LRRC4C: variants seen among roughly 807,000 people sequenced by gnomAD.
LRRC4C encodes leucine-rich repeat-containing protein 4C.
In LRRC4C, 5 loss-of-function variants were observed where a neutral mutation model predicts 33.6. The observed-to-expected ratio is 0.15, with a 90% CI of 0.08 to 0.31. The LOEUF is 0.31. LRRC4C is among the 10% of genes least tolerant of loss of function. The pLI is 1.00. For synonymous variants in LRRC4C, 329 were observed against 302.0 expected, an observed-to-expected ratio of 1.09 and a Z score of -0.93; for missense variants, 560 against 796.7, an observed-to-expected ratio of 0.70 and a Z score of 3.58.
chr11:40,791,229 C>T (rs528026859), intron 2 of LRRC4C, among the ~76,000 whole-genome samples: 1 of 152,034 alleles, frequency 6.6e-6, no homozygotes, highest in Non-Finnish European at 1.5e-5. Flanking sequence ...AATCATGGGG[C>T]CTATGAAAGC....
At chr11:41,411,108 T>C (rs560455032) in intron 1 of LRRC4C, among the ~76,000 whole-genome samples, 255 of 149,960 alleles carry the variant, frequency 1.7e-3, no homozygotes, top group African/African-American at 6.0e-3. Context: ...TTTATGCACT[T>C]GCTTTTAGAT....
At chr11:41,410,243 G>T (rs1180406203) in intron 1 of LRRC4C, among the ~76,000 whole-genome samples, 1 of 152,116 alleles carries the variant, frequency 6.6e-6, no homozygotes, top group Non-Finnish European at 1.5e-5. Flanking sequence ...TTCTTGTTCA[G>T]ATCACAGGGT....
intron 1 of LRRC4C, among the ~76,000 whole-genome samples, chr11:41,246,955 T>A (rs1948474576): frequency 6.6e-6 from 1 of 152,156 alleles, no homozygotes; most frequent in South Asian, 2.1e-4. Flanking sequence ...AGTAAATTCA[T>A]CTCTGAAAAT....
chr11:41,083,694 G>A (rs1463608085), intron 1 of LRRC4C, among the ~76,000 whole-genome samples: 1 of 152,134 alleles, frequency 6.6e-6, no homozygotes, highest in Admixed American at 6.5e-5. Flanking sequence ...ATAAGATGCG[G>A]AATAAAAACA....
At chr11:41,080,508 T>C (rs944960748) in intron 1 of LRRC4C, among the ~76,000 whole-genome samples, 2 of 152,004 alleles carry the variant, frequency 1.3e-5, no homozygotes, top group African/African-American at 4.8e-5. Flanking sequence ...TGTGCCACTA[T>C]GCCCGGCAAA....
At chr11:41,396,081 T>C (rs1365801543) in intron 1 of LRRC4C, among the ~76,000 whole-genome samples, 1 of 151,992 alleles carries the variant, frequency 6.6e-6, no homozygotes, top group Non-Finnish European at 1.5e-5. Flanking sequence ...TGTTAGTGTA[T>C]TTTAAGAGTG....
intron 2 of LRRC4C, among the ~76,000 whole-genome samples, chr11:40,855,947 A>G (rs1953759260): frequency 6.6e-6 from 1 of 151,716 alleles, no homozygotes; most frequent in Admixed American, 6.6e-5. Flanking sequence ...TTTTTCTATT[A>G]TTATTAATTT....
At chr11:40,564,857 C>T (rs763912339) in intron 3 of LRRC4C, among the ~76,000 whole-genome samples, 52 of 152,156 alleles carry the variant, frequency 3.4e-4, no homozygotes, top group African/African-American at 8.9e-4. Flanking sequence ...GATAGGAGGA[C>T]GGCTCATACT....
intron 3 of LRRC4C, among the ~76,000 whole-genome samples, chr11:40,585,476 C>CTT (rs112444074): frequency 0.025 from 3,624 of 147,036 alleles, 54 homozygotes; most frequent in Non-Finnish European, 0.037. Flanking sequence ...TTTGTTATTT[C>CTT]TTTTTTTTTT....
chr11:41,342,042 C>T (rs1480674665), intron 1 of LRRC4C, among the ~76,000 whole-genome samples: 1 of 151,458 alleles, frequency 6.6e-6, no homozygotes, highest in Non-Finnish European at 1.5e-5. Flanking sequence ...CTCAAAGTCA[C>T]ATTCCAAAAA....
chr11:40,620,951 C>G (rs143225055), intron 3 of LRRC4C, among the ~76,000 whole-genome samples: 62 of 151,784 alleles, frequency 4.1e-4, no homozygotes, highest in African/African-American at 1.5e-3. Context: ...TTTTCATTTC[C>G]TGTGCTCTAC....
chr11:40,171,933 A>ATTGC (rs112101304), intron 5 of LRRC4C, among the ~76,000 whole-genome samples: 21,280 of 152,084 alleles, frequency 0.14, 1,860 homozygotes, highest in Non-Finnish European at 0.2. Flanking sequence ...AAGCAGGAGA[A>ATTGC]TTGAACTCAG....
At chr11:40,976,465 G>A (rs1417147910) in intron 1 of LRRC4C, among the ~76,000 whole-genome samples, 1 of 152,196 alleles carries the variant, frequency 6.6e-6, no homozygotes, top group Admixed American at 6.5e-5. Flanking sequence ...TGGTCACACA[G>A]TGTTTGTCAC....
intron 1 of LRRC4C, among the ~76,000 whole-genome samples, chr11:41,292,650 G>A (rs1008169261): frequency 6.6e-5 from 10 of 152,144 alleles, no homozygotes; most frequent in Non-Finnish European, 1.0e-4. Context: ...GTTAACTAGA[G>A]TTATGCCAGT....
chr11:41,344,293 C>T (rs1248725131), intron 1 of LRRC4C, among the ~76,000 whole-genome samples: 1 of 141,558 alleles, frequency 7.1e-6, no homozygotes, highest in East Asian at 2.1e-4. Context: ...GTGGTGCAGT[C>T]TCTGCTCGCT....
At chr11:41,403,773 G>A (rs1954114050) in intron 1 of LRRC4C, among the ~76,000 whole-genome samples, 1 of 152,058 alleles carries the variant, frequency 6.6e-6, no homozygotes, top group African/African-American at 2.4e-5. Context: ...TTTGGGAACA[G>A]TGTCACTATC....
Position 40,123,852 on chromosome 11 carries a change from T to C in LRRC4C, c.-42-7518A>G, listed in dbSNP as rs1433041709. ...AACTTCAAATTATACTACAGAGCTA[T>C]AGTAACCAAAACAGCATGGTACTGG... On this transcript the variant is annotated intron_variant, in intron 6 of 6. Transcript: ENST00000528697. Among the ~76,000 whole-genome samples, 3 of 152,198 alleles carry C rather than the reference T, an allele frequency of 2.0e-5. No homozygotes were observed. In the East Asian group the frequency reaches 5.8e-4, roughly 29 times the overall value.
chr11:41,404,396 A>G (rs1022502538), intron 1 of LRRC4C, among the ~76,000 whole-genome samples: 2 of 151,828 alleles, frequency 1.3e-5, no homozygotes, highest in African/African-American at 4.8e-5. Flanking sequence ...ATTAGTGGAG[A>G]TGGCCCAGGT....
rs1491410479 is a variant in LRRC4C at position 40,633,370 on chromosome 11, T to TC, written c.-270+14771_-270+14772insG. Among the ~76,000 whole-genome samples, 455 of 103,226 alleles carry TC rather than the reference T, an allele frequency of 4.4e-3. 12 individuals carry two copies. Among genetic ancestry groups the TC allele is most frequent in the African/African-American group, 0.011 (238 of 22,306 alleles). 67.7% of individuals were successfully genotyped at this position (103,226 alleles called of 152,430 possible). A position where few individuals can be genotyped will look rare whatever the true frequency, so the allele number is the denominator to read the frequency against. On this transcript the variant is annotated intron_variant, in intron 3 of 6. Transcript: ENST00000528697. ...CTTTCTTTCTTTCTTTCTTTCTTTC[T>TC]TTCTCTCTCTTTCTTTCTTTCTTTC...
Sources: allele counts gnomAD v4.1 joint callset (sites outside exome capture counted in the v4.1 genomes callset), GRCh38; gene constraint gnomAD v4.1.1; transcripts MANE v1.5; gene names NCBI Gene and HGNC (gene_info 2026-07-23, HGNC 2026-07-21).